PIEZO2: variants seen among roughly 807,000 people sequenced by gnomAD.
The protein encoded by PIEZO2 is piezo type mechanosensitive ion channel component 2.
Under a neutral mutation model 337.3 loss-of-function variants are expected in PIEZO2, and 172 were observed. The observed-to-expected ratio is 0.51, with a 90% CI of 0.45 to 0.58. PIEZO2 has a LOEUF of 0.58. Among genes scored for constraint, PIEZO2 ranks in the 20% least tolerant of loss-of-function variants. PIEZO2 has a pLI of 0.00. For missense variants in PIEZO2, 3,028 were observed against 3,391.3 expected (o/e 0.89, Z 2.66); for synonymous variants, 1,251 against 1,228.5 (o/e 1.02, Z -0.38).
intron 3 of PIEZO2, among the ~76,000 whole-genome samples, chr18:10,956,240 A>G (rs1208022211): frequency 2.6e-5 from 4 of 152,252 alleles, no homozygotes; most frequent in African/African-American, 9.6e-5. Flanking sequence ...GTTTCTATGT[A>G]TTAACAAAAA....
intron 4 of PIEZO2, chr18:10,908,621 T>A (rs1300479730): frequency 6.6e-6 from 1 of 152,214 alleles, no homozygotes; most frequent in Non-Finnish European, 1.5e-5. Context: ...GCGCTTGTTG[T>A]GATGTGCAGA....
intron 2 of PIEZO2, among the ~76,000 whole-genome samples, chr18:11,041,038 G>A (rs1197564249): frequency 1.3e-5 from 2 of 152,068 alleles, no homozygotes; most frequent in African/African-American, 4.8e-5. Flanking sequence ...CCTTTCTCTG[G>A]GTGAGACCAG....
At chr18:10,874,552 G>A (rs1006523440) in intron 4 of PIEZO2, among the ~76,000 whole-genome samples, 1 of 152,084 alleles carries the variant, frequency 6.6e-6, no homozygotes. Flanking sequence ...GTCAAGATAT[G>A]GAATCAACTT....
intron 7 of PIEZO2, among the ~76,000 whole-genome samples, chr18:10,820,569 C>A (rs2040492120): frequency 6.6e-6 from 1 of 151,986 alleles, no homozygotes; most frequent in African/African-American, 2.4e-5. Flanking sequence ...TCATTATGTC[C>A]ATTTTCTGTA....
chr18:11,053,706 T>C (rs980897906), intron 2 of PIEZO2, among the ~76,000 whole-genome samples: 2 of 152,246 alleles, frequency 1.3e-5, no homozygotes, highest in Non-Finnish European at 2.9e-5. Flanking sequence ...TCATAAGTTA[T>C]AAGGAACCTG....
intron 12 of PIEZO2, among the ~76,000 whole-genome samples, chr18:10,796,170 C>T (rs2039589104): frequency 6.6e-6 from 1 of 151,872 alleles, no homozygotes; most frequent in Non-Finnish European, 1.5e-5. Context: ...CGAGACCATC[C>T]TGGCTAACAC....
At chr18:11,050,323 T>A (rs1433435592) in intron 2 of PIEZO2, among the ~76,000 whole-genome samples, 1 of 152,160 alleles carries the variant, frequency 6.6e-6, no homozygotes, top group Non-Finnish European at 1.5e-5. Flanking sequence ...ATAAGCACTG[T>A]TTTTAACCAA....
At position 11,002,377 on chromosome 18, in the gene PIEZO2, A is replaced by T. The variant is rs111661436; in HGVS notation, c.161-22717T>A. On this transcript the variant is annotated intron_variant, in intron 2 of 55. Coordinates refer to ENST00000674853, the MANE Select transcript of PIEZO2 (RefSeq NM_001378183.1). This position sits in a 1 kb window ranked among gnomAD's most constrained non-coding sequence, Gnocchi z 4.3. Reference sequence around the variant, plus strand: ...TCATCAGTAAAAAGAAACCAAAAGGACTGTGTTTTGATATTCAAGAAATTC... The same window carrying T: ...TCATCAGTAAAAAGAAACCAAAAGGTCTGTGTTTTGATATTCAAGAAATTC... Among the ~76,000 whole-genome samples the T allele has an allele frequency of 1.4e-3, 213 of 152,302 alleles. 1 individual carries two copies. Among genetic ancestry groups the T allele is most frequent in the African/African-American group, 4.6e-3 (193 of 41,554 alleles).
At chr18:10,972,631 C>T (rs529596865) in intron 3 of PIEZO2, among the ~76,000 whole-genome samples, 1 of 152,226 alleles carries the variant, frequency 6.6e-6, no homozygotes, top group South Asian at 2.1e-4. Flanking sequence ...GGTACAAACC[C>T]CAATATAACA....
chr18:10,958,438 TA>T (rs1446619417), intron 3 of PIEZO2, among the ~76,000 whole-genome samples: 1 of 152,164 alleles, frequency 6.6e-6, no homozygotes, highest in Non-Finnish European at 1.5e-5. Flanking sequence ...AAGTTTCAGT[TA>T]GACTGAAGAC....
intron 36 of PIEZO2, among the ~76,000 whole-genome samples, chr18:10,728,795 A>G (rs992272690): frequency 2.6e-5 from 4 of 152,020 alleles, no homozygotes; most frequent in Admixed American, 1.3e-4. Flanking sequence ...CTCTACTAAA[A>G]GTACAAAAAA....
intron 2 of PIEZO2, among the ~76,000 whole-genome samples, chr18:11,008,990 T>C (rs1256768725): frequency 6.6e-6 from 1 of 152,258 alleles, no homozygotes; most frequent in Non-Finnish European, 1.5e-5. Context: ...AATCTTTTTA[T>C]ACAATAAAAA....
At chr18:10,864,493 A>T (rs2041955855) in intron 5 of PIEZO2, among the ~76,000 whole-genome samples, 1 of 152,226 alleles carries the variant, frequency 6.6e-6, no homozygotes, top group African/African-American at 2.4e-5. Flanking sequence ...GGTAAATGTG[A>T]TTTTTTTAAA....
At chr18:10,907,049 C>T (rs1315876706) in intron 4 of PIEZO2, among the ~76,000 whole-genome samples, 21 of 152,154 alleles carry the variant, frequency 1.4e-4, no homozygotes, top group African/African-American at 4.8e-4. Context: ...GAACAGGTTG[C>T]TACACTTCCC....
At chr18:11,088,482 G>T (rs537894847) in intron 1 of PIEZO2, among the ~76,000 whole-genome samples, 1 of 130,162 alleles carries the variant, frequency 7.7e-6, no homozygotes, top group South Asian at 2.4e-4. Context: ...AACATGCTCT[G>T]ATTGAATTGT....
chr18:10,789,459 T>C (rs1048887668), intron 14 of PIEZO2, 94 bp from the exon 15 acceptor site: 1 of 1,341,094 alleles, frequency 7.5e-7, no homozygotes, highest in South Asian at 1.6e-5. Context: ...GAGGCATGCA[T>C]TTTCTAAGTT....
intron 3 of PIEZO2, among the ~76,000 whole-genome samples, chr18:10,912,440 A>T (rs2030564995): frequency 6.6e-6 from 1 of 152,180 alleles, no homozygotes; most frequent in Non-Finnish European, 1.5e-5. Flanking sequence ...TGTGTTGTGC[A>T]CTAGGTGCTT....
intron 31 of PIEZO2, 46 bp downstream of exon 31, chr18:10,744,096 C>T (rs1191000955): frequency 7.2e-7 from 1 of 1,395,824 alleles, no homozygotes; most frequent in East Asian, 2.5e-5. Context: ...AATGTGGTCA[C>T]ACAATCAGAA....
rs1449559133 is a variant in PIEZO2 at position 11,016,711 on chromosome 18, T to C, written c.161-37051A>G. Among the ~76,000 whole-genome samples the C allele has an allele frequency of 6.6e-6, 1 of 152,168 alleles. No homozygotes were observed. The highest frequency in any genetic ancestry group is 1.5e-5 in the Non-Finnish European group (1 of 68,030). The stretch of plus-strand genomic sequence containing the variant: ...GAAATCATGTTTCATGATGAAAAAC[T>C]CCATCAAATAATGTAATGTTTTTTC... On this transcript the variant is annotated intron_variant, in intron 2 of 55. Coordinates refer to ENST00000674853, the MANE Select transcript of PIEZO2 (RefSeq NM_001378183.1). This position sits in a 1 kb window ranked among gnomAD's most constrained non-coding sequence, Gnocchi z 5.6.
Sources: gnomAD v4.1 joint callset for allele counts (sites outside exome capture counted in the v4.1 genomes callset) on GRCh38, gnomAD v4.1.1 for gene constraint, Gnocchi (gnomAD v3.1) non-coding constraint, MANE v1.5 for transcripts, NCBI Gene and HGNC (gene_info 2026-07-23, HGNC 2026-07-21) for gene names.